TUSC3: variants seen among roughly 807,000 people sequenced by gnomAD.
The protein encoded by TUSC3 is tumor suppressor candidate 3.
TUSC3 carries 45 observed loss-of-function variants against 44.8 expected under a neutral mutation model. The observed-to-expected ratio is 1.00, with a 90% CI of 0.79 to 1.29. The LOEUF is 1.29. Among genes scored for constraint, TUSC3 ranks in the 50% most tolerant of loss-of-function variants. TUSC3 has a pLI of 0.00. For missense variants in TUSC3, 519 were observed against 437.9 expected (o/e 1.19, Z -1.65); for synonymous variants, 212 against 152.9 (o/e 1.39, Z -2.85).
intron 5 of TUSC3, among the ~76,000 whole-genome samples, chr8:15,672,410 C>T (rs1807987765): frequency 6.6e-6 from 1 of 151,704 alleles, no homozygotes; most frequent in Non-Finnish European, 1.5e-5. Context: ...GATTAACCTA[C>T]TTAAAACCCT....
intron 6 of TUSC3, among the ~76,000 whole-genome samples, chr8:15,686,493 T>A (rs1808634123): frequency 6.6e-6 from 1 of 151,364 alleles, no homozygotes; most frequent in Non-Finnish European, 1.5e-5. Context: ...ATCGAGGCAT[T>A]TTTTTTTTCT....
At chr8:15,833,348 T>G in the TUSC3 span, among the ~76,000 whole-genome samples, 1 of 152,170 alleles carries the variant, frequency 6.6e-6, no homozygotes, top group Non-Finnish European at 1.5e-5. Context: ...ACCAGCAATC[T>G]CATTACTGGG....
the TUSC3 span, among the ~76,000 whole-genome samples, chr8:15,796,564 G>A: frequency 1.3e-5 from 2 of 152,206 alleles, no homozygotes; most frequent in Non-Finnish European, 2.9e-5. Flanking sequence ...AACAGCCCCA[G>A]CAGCCTTGCT....
At chr8:15,505,531 C>G (rs1013381264) in intron 2 of TUSC3, among the ~76,000 whole-genome samples, 1 of 152,168 alleles carries the variant, frequency 6.6e-6, no homozygotes, top group Non-Finnish European at 1.5e-5. Flanking sequence ...TGTTGCCATA[C>G]TAGTTGAATC....
chr8:15,552,925 C>A (rs1185760342), intron 1 of TUSC3, among the ~76,000 whole-genome samples: 1 of 151,504 alleles, frequency 6.6e-6, no homozygotes, highest in Admixed American at 6.6e-5. Flanking sequence ...TTAGTTGTGG[C>A]AGTGAGAATG....
the TUSC3 span, among the ~76,000 whole-genome samples, chr8:15,843,847 C>G: frequency 6.6e-6 from 1 of 152,044 alleles, no homozygotes; most frequent in African/African-American, 2.4e-5. Context: ...TCAGTAAGAT[C>G]TGTCCTGAAC....
Position 15,473,244 on chromosome 8 carries a change from A to G in TUSC3, n.92-10142A>G, listed in dbSNP as rs145951017. On this transcript the variant is annotated intron_variant and non_coding_transcript_variant, in intron 1 of 5. Coordinates refer to the TUSC3 transcript ENST00000503191. Reference sequence around the variant, plus strand: ...TGGTATTTGCAAGCTTTCTAGCATAACTGGTAAATAATTAAAGTATTATAT... The same window carrying G: ...TGGTATTTGCAAGCTTTCTAGCATAGCTGGTAAATAATTAAAGTATTATAT... 4.4e-3 allele frequency among the ~76,000 whole-genome samples: 667 copies of G among 152,336 alleles called. 2 individuals are homozygous for G. Among genetic ancestry groups the G allele is most frequent in the African/African-American group, 0.015 (620 of 41,580 alleles).
chr8:15,827,859 G>T, the TUSC3 span, among the ~76,000 whole-genome samples: 2 of 152,142 alleles, frequency 1.3e-5, no homozygotes, highest in Non-Finnish European at 2.9e-5. Flanking sequence ...TGTTTGGGAT[G>T]TTGGGATAGG....
At chr8:15,787,894 C>A in the TUSC3 span, among the ~76,000 whole-genome samples, 1 of 152,316 alleles carries the variant, frequency 6.6e-6, no homozygotes, top group African/African-American at 2.4e-5. Context: ...GAAATGTCAT[C>A]ATTTACTACT....
chr8:15,632,060 T>C (rs1563143988), intron 2 of TUSC3, among the ~76,000 whole-genome samples: 3 of 152,156 alleles, frequency 2.0e-5, no homozygotes, highest in Non-Finnish European at 4.4e-5. Flanking sequence ...TAAATTAATA[T>C]TAGTTCAGTG....
chr8:15,653,089 T>A (rs1806989044), intron 3 of TUSC3, among the ~76,000 whole-genome samples: 1 of 152,230 alleles, frequency 6.6e-6, no homozygotes, highest in South Asian at 2.1e-4. Context: ...TTTTTCACTT[T>A]TTCAAAATAC....
chr8:15,676,088 G>A (rs1808177961), intron 6 of TUSC3, among the ~76,000 whole-genome samples: 4 of 152,096 alleles, frequency 2.6e-5, no homozygotes, highest in Admixed American at 2.6e-4. Context: ...AGCCTTGCCA[G>A]CATCTATTAT....
intron 10 of TUSC3, among the ~76,000 whole-genome samples, chr8:15,759,247 C>A (rs1049759382): frequency 6.6e-6 from 1 of 152,054 alleles, no homozygotes; most frequent in African/African-American, 2.4e-5. Flanking sequence ...TGAGCAGCTG[C>A]CCCTTACCCA....
chr8:15,756,088 A>G (rs915431153), intron 9 of TUSC3, among the ~76,000 whole-genome samples: 2 of 152,168 alleles, frequency 1.3e-5, no homozygotes, highest in African/African-American at 4.8e-5. Context: ...ATAATGGAAA[A>G]ATAACAGTAA....
intron 1 of TUSC3, among the ~76,000 whole-genome samples, chr8:15,576,664 G>C (rs1443087259): frequency 7.2e-6 from 1 of 138,740 alleles, no homozygotes; most frequent in South Asian, 2.4e-4. Flanking sequence ...TGGCTGCATA[G>C]TATTCCATGG....
chr8:15,477,391 A>C (rs996733073), intron 1 of TUSC3, among the ~76,000 whole-genome samples: 2 of 152,182 alleles, frequency 1.3e-5, no homozygotes, highest in African/African-American at 4.8e-5. Context: ...CAATCAACTA[A>C]CTAGGATAAT....
At chr8:15,555,308 T>TTTTTTTTTTTTTTTC (rs1802217862) in intron 1 of TUSC3, among the ~76,000 whole-genome samples, 1 of 121,458 alleles carries the variant, frequency 8.2e-6, no homozygotes, top group Non-Finnish European at 1.7e-5. Flanking sequence ...TTTTTTTTTT[T>TTTTTTTTTTTTTTTC]TTTAAAGACA....
At chr8:15,561,304 G>T (rs143130036) in intron 1 of TUSC3, among the ~76,000 whole-genome samples, 3 of 140,492 alleles carry the variant, frequency 2.1e-5, no homozygotes, top group Non-Finnish European at 4.8e-5. Context: ...GTGCCTCCCA[G>T]TTCGGCTGCT....
At chr8:15,428,547 C>A (rs180845250) in intron 1 of TUSC3, among the ~76,000 whole-genome samples, 1 of 152,030 alleles carries the variant, frequency 6.6e-6, no homozygotes, top group Non-Finnish European at 1.5e-5. Flanking sequence ...ATCGCCACAC[C>A]GACTTCCACA....
Sources: gnomAD v4.1 joint callset for allele counts (sites outside exome capture counted in the v4.1 genomes callset) on GRCh38, gnomAD v4.1.1 for gene constraint, MANE v1.5 for transcripts, NCBI Gene and HGNC (gene_info 2026-07-23, HGNC 2026-07-21) for gene names.